ANGPT2: variants seen among roughly 807,000 people sequenced by gnomAD.
ANGPT2 encodes the protein angiopoietin 2, also known as angiopoietin-2.
In ANGPT2, 28 loss-of-function variants were observed where a neutral mutation model predicts 62.9. That is an observed-to-expected ratio of 0.44 (90% CI 0.33 to 0.61). ANGPT2 has a LOEUF of 0.61. Ranked by LOEUF, ANGPT2 falls within the 20% of genes least tolerant of loss-of-function variation. The pLI is 0.03. For missense variants in ANGPT2, 727 were observed against 594.9 expected (o/e 1.22, Z -2.31); for synonymous variants, 284 against 207.8 (o/e 1.37, Z -3.15).
intron 1 of ANGPT2, among the ~76,000 whole-genome samples, chr8:6,556,888 T>A (rs1296230378): frequency 3.3e-5 from 5 of 152,132 alleles, no homozygotes. Flanking sequence ...TGTGCCTGGC[T>A]TTAGGCATTT....
intron 1 of ANGPT2, among the ~76,000 whole-genome samples, chr8:6,547,620 G>C (rs1302446219): frequency 6.6e-6 from 1 of 152,038 alleles, no homozygotes; most frequent in Non-Finnish European, 1.5e-5. Flanking sequence ...ATCAGTAGAG[G>C]GGCACATGTT....
chr8:6,561,593 G>A (rs193148976), intron 1 of ANGPT2, among the ~76,000 whole-genome samples: 1 of 152,326 alleles, frequency 6.6e-6, no homozygotes, highest in African/African-American at 2.4e-5. Flanking sequence ...ACTTTTAAAA[G>A]ACTTTACATA....
rs1563306173 is a variant in ANGPT2, at chr8:6,505,331, ATAGAAAGAATATATATATTCTTTC to A, written c.1328-2094_1328-2071del. Among the ~76,000 whole-genome samples the A allele has an allele frequency of 6.5e-3, 369 of 57,120 alleles. 12 individuals are homozygous for A. Among genetic ancestry groups the A allele is most frequent in the African/African-American group, 9.5e-3 (93 of 9,796 alleles). 37.5% of individuals were successfully genotyped at this position (57,120 alleles called of 152,430 possible). A position where few individuals can be genotyped will look rare whatever the true frequency, so the allele number is the denominator to read the frequency against. ...TATAACATATATATGTTATATACATATAGAAAGAATATATATATTCTTTCTATATGTATATAGAATATATATATT... is the reference window on the plus strand; with the variant it reads ...TATAACATATATATGTTATATACATATATATGTATATAGAATATATATATT... On this transcript the variant is annotated intron_variant, in intron 8 of 8. Transcript: ENST00000629816.
intron 1 of ANGPT2, among the ~76,000 whole-genome samples, chr8:6,542,067 T>G (rs1424775247): frequency 1.3e-5 from 2 of 152,038 alleles, no homozygotes; most frequent in East Asian, 3.8e-4. Flanking sequence ...CAGTTAAAAT[T>G]TAGCTCTAGG....
At position 6,531,693 on chromosome 8, in the gene ANGPT2, C is replaced by G. The variant is rs764991908; in HGVS notation, c.444+639G>C. Reference sequence around the variant, plus strand: ...TAGCAATCACTTGTCTGGCCCAACCCTTTATATTATTTGAGGCCCAGAAAA... The same window carrying G: ...TAGCAATCACTTGTCTGGCCCAACCGTTTATATTATTTGAGGCCCAGAAAA... On this transcript the variant is annotated intron_variant, in intron 2 of 8. Coordinates refer to ENST00000629816, the MANE Select transcript of ANGPT2 (RefSeq NM_001118887.2). 3.3e-5 allele frequency among the ~76,000 whole-genome samples: 5 copies of G among 152,256 alleles called. No homozygotes were observed. The Middle Eastern group carries it at 0.01, about 311-fold the overall frequency.
chr8:6,519,775 T>C, intron 5 of ANGPT2, 89 bp downstream of exon 5: 2 of 1,498,854 alleles, frequency 1.3e-6, no homozygotes, highest in African/African-American at 1.4e-5. Flanking sequence ...GGAAGATCTT[T>C]GGGGAGAGAC....
At chr8:6,534,526 C>T (rs949712630) in intron 1 of ANGPT2, among the ~76,000 whole-genome samples, 1 of 152,110 alleles carries the variant, frequency 6.6e-6, no homozygotes. Flanking sequence ...GCCTCAGCCC[C>T]CCAAAGTGCT....
chr8:6,546,099 A>C (rs1224217856), intron 1 of ANGPT2, among the ~76,000 whole-genome samples: 1 of 152,174 alleles, frequency 6.6e-6, no homozygotes, highest in Non-Finnish European at 1.5e-5. Context: ...TTCTAACATC[A>C]CATTTCTGGT....
At chr8:6,528,196 C>T (rs1374717466) in intron 2 of ANGPT2, among the ~76,000 whole-genome samples, 3 of 152,182 alleles carry the variant, frequency 2.0e-5, no homozygotes, top group Non-Finnish European at 4.4e-5. Flanking sequence ...CTGCACCCGG[C>T]CGTTATGTCT....
chr8:6,544,307 T>C (rs1012717019), intron 1 of ANGPT2, among the ~76,000 whole-genome samples: 1 of 152,154 alleles, frequency 6.6e-6, no homozygotes, highest in African/African-American at 2.4e-5. Flanking sequence ...CCAGCAAAAA[T>C]GTTCTAAAAG....
chr8:6,532,579 A>AAG, intron 1 of ANGPT2, 92 bp from the exon 2 acceptor site: 1 of 877,090 alleles, frequency 1.1e-6, no homozygotes. Flanking sequence ...ATCTTTAAAA[A>AAG]AAAAAAAAAA....
intron 3 of ANGPT2, among the ~76,000 whole-genome samples, chr8:6,521,671 G>C (rs1281289689): frequency 6.6e-6 from 1 of 152,162 alleles, no homozygotes; most frequent in Admixed American, 6.5e-5. Context: ...TACCCCATCT[G>C]GTCCAGGATA....
Position 6,521,404 on chromosome 8 carries a change from T to C in ANGPT2, c.573A>G (p.Leu191=). 1 of 1,607,652 alleles carries C rather than the reference T, an allele frequency of 6.2e-7. No individual in the cohort carries two copies. Among genetic ancestry groups the C allele is most frequent in the Non-Finnish European group, 8.5e-7 (1 of 1,177,292 alleles). ...CTTCCATAGCTAGCACCTTCTTTTC[T>C]AGGAAACTTGTAAGGAAAAGAATTG... ...INKLQDKNSF[L]EKKVLAMEDK... The change falls in exon 4 of 9, where the codon CTA becomes CTG. Residue 191 remains leucine (L), a synonymous_variant. Coordinates refer to ENST00000629816, the MANE Select transcript of ANGPT2 (RefSeq NM_001118887.2).
At chr8:6,539,667 A>T (rs890204677) in intron 1 of ANGPT2, among the ~76,000 whole-genome samples, 1 of 151,968 alleles carries the variant, frequency 6.6e-6, no homozygotes, top group Non-Finnish European at 1.5e-5. Flanking sequence ...GCTCACTGCA[A>T]CCTCTGCCTC....
At chr8:6,545,759 G>C (rs557398734) in intron 1 of ANGPT2, among the ~76,000 whole-genome samples, 13 of 152,316 alleles carry the variant, frequency 8.5e-5, no homozygotes, top group African/African-American at 3.1e-4. Context: ...GTGGCTTCAA[G>C]TATAGGAAGA....
chr8:6,530,093 T>C (rs1819179168), intron 2 of ANGPT2, among the ~76,000 whole-genome samples: 1 of 152,194 alleles, frequency 6.6e-6, no homozygotes, highest in South Asian at 2.1e-4. Flanking sequence ...AGTTTAAAAA[T>C]GCTTATGAGA....
At chr8:6,521,106 T>G in intron 4 of ANGPT2, 72 bp downstream of exon 4, 1 of 1,245,794 alleles carries the variant, frequency 8.0e-7, no homozygotes, top group Non-Finnish European at 1.1e-6. Flanking sequence ...AAGGTGAGAA[T>G]TTTTTAGTCT....
intron 1 of ANGPT2, among the ~76,000 whole-genome samples, chr8:6,553,717 G>T (rs1179375988): frequency 4.6e-5 from 7 of 151,296 alleles, no homozygotes; most frequent in African/African-American, 1.7e-4. Context: ...GGTGGTCTTG[G>T]GGCCTACGAG....
At chr8:6,544,657 T>G (rs1822219457) in intron 1 of ANGPT2, among the ~76,000 whole-genome samples, 2 of 152,160 alleles carry the variant, frequency 1.3e-5, no homozygotes, top group Non-Finnish European at 2.9e-5. Flanking sequence ...AGCACATATT[T>G]TATTTCTATA....
Sources: allele counts gnomAD v4.1 joint callset (sites outside exome capture counted in the v4.1 genomes callset), GRCh38; gene constraint gnomAD v4.1.1; transcripts MANE v1.5; gene names NCBI Gene and HGNC (gene_info 2026-07-23, HGNC 2026-07-21).